SLC24A2: variants seen among roughly 807,000 people sequenced by gnomAD.
SLC24A2 encodes solute carrier family 24 member 2, also known as sodium/potassium/calcium exchanger 2.
Under a neutral mutation model 62.0 loss-of-function variants are expected in SLC24A2, and 36 were observed. The observed-to-expected ratio is 0.58, with a 90% CI of 0.44 to 0.77. The LOEUF is 0.77. SLC24A2 is among the 30% of genes least tolerant of loss of function. The pLI, the probability that SLC24A2 is intolerant of heterozygous loss-of-function variation, is 0.00. For synonymous variants in SLC24A2, 358 were observed against 294.0 expected (o/e 1.22, Z -2.23); for missense variants, 846 against 817.9 (o/e 1.03, Z -0.42).
At chr9:20,060,028 G>A in the SLC24A2 span, among the ~76,000 whole-genome samples, 1 of 152,048 alleles carries the variant, frequency 6.6e-6, no homozygotes, top group Admixed American at 6.6e-5. Flanking sequence ...ATGAACAACT[G>A]TAAATGAACA....
At chr9:19,939,939 C>T in the SLC24A2 span, among the ~76,000 whole-genome samples, 8 of 152,220 alleles carry the variant, frequency 5.3e-5, no homozygotes, top group Non-Finnish European at 1.2e-4. Context: ...GTGTGTTTTG[C>T]AGTAGCACAT....
chr9:19,761,892 T>G (rs894087109), intron 2 of SLC24A2, among the ~76,000 whole-genome samples: 1 of 152,210 alleles, frequency 6.6e-6, no homozygotes, highest in Admixed American at 6.5e-5. Context: ...TGTTGGACAT[T>G]TGGGTTGGTT....
chr9:20,145,307 G>T, the SLC24A2 span, among the ~76,000 whole-genome samples: 1 of 151,948 alleles, frequency 6.6e-6, no homozygotes, highest in African/African-American at 2.4e-5. Flanking sequence ...GCAAAAGTAA[G>T]GGTTATAGTG....
At chr9:19,970,619 T>C in the SLC24A2 span, among the ~76,000 whole-genome samples, 1 of 152,192 alleles carries the variant, frequency 6.6e-6, no homozygotes, top group Admixed American at 6.5e-5. Flanking sequence ...AGTTCATTTG[T>C]TGAGAATACA....
Position 19,619,592 on chromosome 9 carries a change from AG to A in SLC24A2, c.1069del (p.Leu357SerfsTer11). ...CAAAGCTTGATGTTTACCTTCGGCG[AG>A]TGGGTCAAGGGTGTGTATCATGAGT... ...FQLMIHTLDP[L>X]AEELGSYGKL... On this transcript the variant is annotated frameshift_variant, in exon 4 of 11. Transcript: ENST00000341998. LOFTEE classifies it high-confidence loss of function. 3 of 1,612,662 alleles carry A rather than the reference AG, an allele frequency of 1.9e-6. No homozygotes were observed. The highest frequency in any genetic ancestry group is 2.5e-6 in the Non-Finnish European group (3 of 1,178,674).
the SLC24A2 span, among the ~76,000 whole-genome samples, chr9:20,048,929 ATTTATT>A: frequency 7.1e-6 from 1 of 141,620 alleles, no homozygotes; most frequent in East Asian, 2.0e-4. Flanking sequence ...TGTATTTTTT[ATTTATT>A]TTTATTTTTT....
In SLC24A2 at chr9:19,632,916, T is replaced by C. The variant is rs978623469; in HGVS notation, c.931-10617A>G. Among the ~76,000 whole-genome samples, 2 of 152,174 alleles carry C rather than the reference T, an allele frequency of 1.3e-5. No individual in the cohort carries two copies. The highest frequency in any genetic ancestry group is 4.1e-4 in the South Asian group (2 of 4,832). On this transcript the variant is annotated intron_variant, in intron 2 of 10. Coordinates refer to ENST00000341998, the MANE Select transcript of SLC24A2 (RefSeq NM_020344.4). This position sits in a 1 kb window ranked among gnomAD's most constrained non-coding sequence, Gnocchi z 4.5. ...TAACCACCACTGCAATCAAGATAAT[T>C]AACTATAACATCATCACAAGACTCC...
At chr9:20,239,872 T>C in the SLC24A2 span, among the ~76,000 whole-genome samples, 1 of 136,136 alleles carries the variant, frequency 7.3e-6, no homozygotes, top group South Asian at 2.8e-4. Context: ...TTCCTTGCCT[T>C]CTGGCTTTTT....
the SLC24A2 span, among the ~76,000 whole-genome samples, chr9:19,827,631 T>A: frequency 2.0e-4 from 30 of 152,160 alleles, no homozygotes; most frequent in Non-Finnish European, 3.8e-4. Context: ...CTCTGTGTTT[T>A]CCTTCTGTTC....
chr9:19,539,005 G>A (rs1177799648), intron 8 of SLC24A2, among the ~76,000 whole-genome samples: 17 of 124,140 alleles, frequency 1.4e-4, no homozygotes, highest in African/African-American at 5.0e-4. Flanking sequence ...GGTGTTTGTA[G>A]TATTCTCTGA....
At chr9:19,823,538 A>G in the SLC24A2 span, among the ~76,000 whole-genome samples, 1 of 152,240 alleles carries the variant, frequency 6.6e-6, no homozygotes, top group East Asian at 1.9e-4. Context: ...CTGAGGCAGG[A>G]AAATCGTTTG....
chr9:19,530,265 G>A (rs1020899017), intron 8 of SLC24A2, among the ~76,000 whole-genome samples: 1 of 152,024 alleles, frequency 6.6e-6, no homozygotes, highest in Non-Finnish European at 1.5e-5. Context: ...CCATGGCTGT[G>A]CTCTGTTACA....
At chr9:19,524,576 T>C (rs1586888492) in intron 9 of SLC24A2, among the ~76,000 whole-genome samples, 1 of 152,226 alleles carries the variant, frequency 6.6e-6, no homozygotes, top group East Asian at 1.9e-4. Flanking sequence ...ATGGATTTTA[T>C]AGTTCAGAAG....
the SLC24A2 span, among the ~76,000 whole-genome samples, chr9:20,103,887 G>A: frequency 6.4e-4 from 97 of 152,240 alleles, no homozygotes; most frequent in Non-Finnish European, 5.4e-4. Flanking sequence ...GGCTTCAGAC[G>A]ATCAAACTAC....
At chr9:20,001,286 G>C in the SLC24A2 span, among the ~76,000 whole-genome samples, 1 of 152,322 alleles carries the variant, frequency 6.6e-6, no homozygotes, top group Admixed American at 6.5e-5. Context: ...TGTGGAGAGT[G>C]CTCTGCATGC....
intron 8 of SLC24A2, among the ~76,000 whole-genome samples, chr9:19,534,949 G>A (rs978418422): frequency 6.6e-6 from 1 of 152,094 alleles, no homozygotes; most frequent in African/African-American, 2.4e-5. Context: ...CTTCCACAAT[G>A]GTTGAACTAA....
the SLC24A2 span, among the ~76,000 whole-genome samples, chr9:20,249,971 T>A: frequency 6.6e-6 from 1 of 152,290 alleles, no homozygotes; most frequent in East Asian, 1.9e-4. Flanking sequence ...ACTCAGAATC[T>A]AAAACAGAAA....
the SLC24A2 span, among the ~76,000 whole-genome samples, chr9:19,845,154 C>T: frequency 2.6e-5 from 4 of 152,022 alleles, no homozygotes; most frequent in African/African-American, 4.8e-5. Context: ...GAGCATGGAA[C>T]GTTTTTCCAT....
At chr9:19,876,983 C>G in the SLC24A2 span, among the ~76,000 whole-genome samples, 6 of 151,950 alleles carry the variant, frequency 3.9e-5, no homozygotes. Flanking sequence ...AAGGTAAAGT[C>G]AAAAATTTTA....
Sources: gnomAD v4.1 joint callset for allele counts (sites outside exome capture counted in the v4.1 genomes callset) on GRCh38, gnomAD v4.1.1 for gene constraint, Gnocchi (gnomAD v3.1) non-coding constraint, MANE v1.5 for transcripts, NCBI Gene and HGNC (gene_info 2026-07-23, HGNC 2026-07-21) for gene names.